NOS1: variants seen among roughly 807,000 people sequenced by gnomAD.
NOS1 encodes the protein nitric oxide synthase 1.
Under a neutral mutation model 164.5 loss-of-function variants are expected in NOS1, and 51 were observed. The ratio of observed to expected loss-of-function variants is 0.31; its 90% confidence interval spans 0.25 to 0.39. The LOEUF (loss-of-function observed/expected upper bound fraction) is 0.39, where lower values mean the gene tolerates loss of function less well. Ranked by LOEUF, NOS1 falls within the 10% of genes least tolerant of loss-of-function variation. The pLI, the probability that NOS1 is intolerant of heterozygous loss-of-function variation, is 1.00. For synonymous variants in NOS1, 719 were observed against 745.8 expected, an observed-to-expected ratio of 0.96 and a Z score of 0.59; for missense variants, 1,362 against 1,885.6, an observed-to-expected ratio of 0.72 and a Z score of 5.14.
chr12:117,253,192 T>A (rs1871217400), intron 17 of NOS1, among the ~76,000 whole-genome samples: 1 of 151,976 alleles, frequency 6.6e-6, no homozygotes, highest in Admixed American at 6.6e-5. Context: ...TGGAGATGGG[T>A]CTTGGTTATT....
intron 3 of NOS1, 116 bp from the exon 4 acceptor site, chr12:117,290,542 C>T (rs1049604204): frequency 8.0e-7 from 1 of 1,249,862 alleles, no homozygotes; most frequent in East Asian, 2.5e-5. Flanking sequence ...GAGTGACCAA[C>T]TGTCTACATC....
rs962232957 is a variant in NOS1 at position 117,211,350 on chromosome 12, T to C, written c.*3959A>G. The stretch of plus-strand genomic sequence containing the variant: ...TCAGTTCCTGGAGTCTCTTTATCAC[T>C]ACATCCGCCTCTTCCCTCACTCAAG... On this transcript the variant is annotated 3_prime_UTR_variant, in exon 29 of 29. Coordinates refer to ENST00000317775, the MANE Select transcript of NOS1 (RefSeq NM_000620.5). The C allele has an allele frequency of 7.1e-6, 7 of 985,448 alleles. No homozygotes were observed. Among genetic ancestry groups the C allele is most frequent in the Non-Finnish European group, 8.4e-6 (7 of 830,000 alleles). 61.0% of individuals were successfully genotyped at this position (985,448 alleles called of 1,614,324 possible).
In NOS1 at chr12:117,272,369, CAG is replaced by C. The variant is rs761633846; in HGVS notation, c.1839+14_1839+15del. The C allele has an allele frequency of 2.5e-6, 4 of 1,613,940 alleles. No individual in the cohort carries two copies. The African/African-American group carries it at 5.3e-5, about 22-fold the overall frequency. ...CTATGTGCTTTTCCCCTGTGGTGAC[CAG>C]AGAGGGCCCTTACCTCCAGGATATT... On this transcript the variant is annotated intron_variant, in intron 10 of 28. Transcript: ENST00000317775. This position sits in a 1 kb window ranked among gnomAD's most constrained non-coding sequence, Gnocchi z 4.3.
Position 117,331,191 on chromosome 12 carries a change from T to C in NOS1, c.-122A>G. 1 of 1,276,972 alleles carries C rather than the reference T, an allele frequency of 7.8e-7. No individual in the cohort carries two copies. The highest frequency in any genetic ancestry group is 1.1e-6 in the Non-Finnish European group (1 of 927,892). The allele number at this position is 1,276,972 out of a possible 1,614,324, so 79.1% of individuals were successfully genotyped here. A position where few individuals can be genotyped will look rare whatever the true frequency, so the allele number is the denominator to read the frequency against. On this transcript the variant is annotated 5_prime_UTR_variant, in exon 2 of 29. Coordinates refer to ENST00000317775, the MANE Select transcript of NOS1 (RefSeq NM_000620.5). ...GAGCAGGAGCCGGGGTGACAGGTGCTGACAAGGCTTCAGCCCTCTCTGTCT... is the reference window on the plus strand; with the variant it reads ...GAGCAGGAGCCGGGGTGACAGGTGCCGACAAGGCTTCAGCCCTCTCTGTCT...
intron 2 of NOS1, among the ~76,000 whole-genome samples, chr12:117,326,259 G>A (rs1459909317): frequency 2.0e-5 from 3 of 152,040 alleles, no homozygotes; most frequent in Non-Finnish European, 4.4e-5. Context: ...GGTGGCACAT[G>A]CCTATAATCC....
intron 22 of NOS1, among the ~76,000 whole-genome samples, chr12:117,227,958 G>A (rs960946178): frequency 1.3e-5 from 2 of 151,926 alleles, no homozygotes; most frequent in Non-Finnish European, 1.5e-5. Context: ...TTGAGTTCAG[G>A]TGCTTGAGGC....
chr12:117,252,409 C>T (rs1006396829), intron 17 of NOS1, among the ~76,000 whole-genome samples: 3 of 152,172 alleles, frequency 2.0e-5, no homozygotes, highest in African/African-American at 7.2e-5. Flanking sequence ...AGTTTGCCAG[C>T]TCCTGCCATG....
chr12:117,237,726 T>C (rs1468799457), intron 20 of NOS1, among the ~76,000 whole-genome samples: 1 of 152,040 alleles, frequency 6.6e-6, no homozygotes, highest in African/African-American at 2.4e-5. Flanking sequence ...GAGTAAATAT[T>C]GTCACCTGTG....
intron 1 of NOS1, among the ~76,000 whole-genome samples, chr12:117,359,370 T>C (rs112162485): frequency 6.9e-6 from 1 of 145,256 alleles, no homozygotes; most frequent in Admixed American, 7.0e-5. Context: ...TCTGAAAAAA[T>C]AACGGGGGAA....
At position 117,209,768 on chromosome 12, in the gene NOS1, T is replaced by A. The variant is rs1956499812; in HGVS notation, c.*5541A>T. On this transcript the variant is annotated 3_prime_UTR_variant, in exon 29 of 29. Transcript: ENST00000317775. ...CCTTACATTTGGGGAAGGGCAGCTT[T>A]TCTTTTGGGGCCCCTTTGCCACAAG... 1 of 985,384 alleles carries A rather than the reference T, an allele frequency of 1.0e-6. No individual in the cohort carries two copies. Among genetic ancestry groups the A allele is most frequent in the Admixed American group, 6.1e-5 (1 of 16,270 alleles). The allele number at this position is 985,384 out of a possible 1,614,324, so 61.0% of individuals were successfully genotyped here. A position where few individuals can be genotyped will look rare whatever the true frequency, so the allele number is the denominator to read the frequency against.
chr12:117,349,571 T>C (rs1468993320), intron 1 of NOS1, among the ~76,000 whole-genome samples: 1 of 152,208 alleles, frequency 6.6e-6, no homozygotes, highest in Non-Finnish European at 1.5e-5. Flanking sequence ...GTTAATTTTA[T>C]ATTACATGAA....
chr12:117,240,459 A>C (rs1482314659), intron 20 of NOS1, among the ~76,000 whole-genome samples: 6 of 152,178 alleles, frequency 3.9e-5, no homozygotes, highest in African/African-American at 1.4e-4. Flanking sequence ...TAGTTGTTTT[A>C]TGTAGCTTAT....
chr12:117,354,537 A>G (rs77912157), intron 1 of NOS1, among the ~76,000 whole-genome samples: 58 of 152,352 alleles, frequency 3.8e-4, no homozygotes, highest in African/African-American at 1.3e-3. Context: ...ATTAAAGAGA[A>G]AAATATGCCC....
intron 13 of NOS1, among the ~76,000 whole-genome samples, chr12:117,262,485 G>GA (rs1469261406): frequency 1.9e-5 from 2 of 107,074 alleles, no homozygotes. Flanking sequence ...GAAAGGGGGA[G>GA]GGGGAGAGAG....
At chr12:117,350,032 G>A (rs1269331957) in intron 1 of NOS1, among the ~76,000 whole-genome samples, 1 of 152,028 alleles carries the variant, frequency 6.6e-6, no homozygotes, top group African/African-American at 2.4e-5. Flanking sequence ...GCCGGCTGGT[G>A]TTATTATTAC....
intron 9 of NOS1, among the ~76,000 whole-genome samples, chr12:117,275,764 C>T (rs529452668): frequency 1.3e-5 from 2 of 152,156 alleles, no homozygotes; most frequent in African/African-American, 2.4e-5. Context: ...TGAATATATG[C>T]ACTTATTAGA....
intron 3 of NOS1, among the ~76,000 whole-genome samples, chr12:117,298,107 C>T (rs867432699): frequency 2.6e-5 from 4 of 151,908 alleles, no homozygotes; most frequent in South Asian, 2.1e-4. Flanking sequence ...ACAATGAAAT[C>T]ATTACACAAC....
At chr12:117,222,359 G>T (rs1306540784) in intron 26 of NOS1, among the ~76,000 whole-genome samples, 1 of 152,094 alleles carries the variant, frequency 6.6e-6, no homozygotes, top group African/African-American at 2.4e-5. Context: ...GGGTTCAAGT[G>T]ATTCTCCTGC....
chr12:117,361,179 C>G (rs1671338128), intron 1 of NOS1, among the ~76,000 whole-genome samples: 1 of 151,994 alleles, frequency 6.6e-6, no homozygotes, highest in African/African-American at 2.4e-5. Flanking sequence ...GCGCACCCGC[C>G]CGCCCGCCTC....
Sources: allele counts gnomAD v4.1 joint callset (sites outside exome capture counted in the v4.1 genomes callset), GRCh38; gene constraint gnomAD v4.1.1; non-coding constraint Gnocchi (gnomAD v3.1); transcripts MANE v1.5; gene names NCBI Gene and HGNC (gene_info 2026-07-23, HGNC 2026-07-21).